The following ZBTB20 variants were observed in gnomAD, a reference collection of about 807,000 sequenced individuals.
ZBTB20 encodes the protein zinc finger and BTB domain-containing protein 20.
Under a neutral mutation model 56.9 loss-of-function variants are expected in ZBTB20, and 9 were observed. The observed-to-expected ratio is 0.16, with a 90% CI of 0.10 to 0.28. ZBTB20 has a LOEUF of 0.28. Among genes scored for constraint, ZBTB20 ranks in the 10% least tolerant of loss-of-function variants. The pLI is 1.00. For synonymous variants in ZBTB20, 417 were observed against 420.7 expected (o/e 0.99, Z 0.11); for missense variants, 655 against 1,003.0 (o/e 0.65, Z 4.69).
At chr3:115,140,516 T>C (rs551856537) in intron 1 of ZBTB20, among the ~76,000 whole-genome samples, 72 of 152,078 alleles carry the variant, frequency 4.7e-4, no homozygotes, top group African/African-American at 1.7e-3. Flanking sequence ...TGAGATTTAC[T>C]GAAAATGTGT....
chr3:114,907,325 G>C (rs560791602), intron 3 of ZBTB20, among the ~76,000 whole-genome samples: 2 of 151,936 alleles, frequency 1.3e-5, no homozygotes, highest in South Asian at 2.1e-4. Flanking sequence ...TTCATACTTA[G>C]TTGCTTTCAG....
intron 2 of ZBTB20, among the ~76,000 whole-genome samples, chr3:115,024,172 C>T (rs971824029): frequency 4.0e-5 from 6 of 151,000 alleles, no homozygotes; most frequent in Non-Finnish European, 8.9e-5. Context: ...TTAGACCCTC[C>T]CTTTTTCTTC....
intron 5 of ZBTB20, among the ~76,000 whole-genome samples, chr3:114,714,780 A>G (rs1365838239): frequency 1.3e-5 from 2 of 152,216 alleles, no homozygotes; most frequent in Non-Finnish European, 2.9e-5. Context: ...GCTGCAAAAT[A>G]ATGACATTTC....
intron 6 of ZBTB20, among the ~76,000 whole-genome samples, chr3:114,525,940 A>T (rs1046014369): frequency 2.0e-5 from 3 of 152,206 alleles, no homozygotes; most frequent in African/African-American, 7.2e-5. Flanking sequence ...CAATTCCCAC[A>T]GCTAAATCAT....
chr3:114,771,338 C>T (rs2069180841), intron 5 of ZBTB20, among the ~76,000 whole-genome samples: 2 of 152,146 alleles, frequency 1.3e-5, no homozygotes, highest in Non-Finnish European at 2.9e-5. Flanking sequence ...TTTGTGATTA[C>T]TTAATTAGAT....
chr3:114,751,820 G>A (rs183909888), intron 5 of ZBTB20, among the ~76,000 whole-genome samples: 7 of 152,146 alleles, frequency 4.6e-5, no homozygotes, highest in African/African-American at 7.2e-5. Context: ...GAGCTAAATC[G>A]TATTACAATT....
intron 6 of ZBTB20, among the ~76,000 whole-genome samples, chr3:114,528,303 TG>T (rs1348471115): frequency 6.6e-6 from 1 of 152,206 alleles, no homozygotes; most frequent in African/African-American, 2.4e-5. Flanking sequence ...ACTCACCTTT[TG>T]TTCCCTTTTT....
rs148664341 is a variant in ZBTB20 at position 114,474,813 on chromosome 3, T to C, written c.-255+25539A>G. 6.4e-3 allele frequency among the ~76,000 whole-genome samples: 973 copies of C among 152,292 alleles called. 10 individuals carry two copies. Among genetic ancestry groups the C allele is most frequent in the African/African-American group, 0.022 (920 of 41,564 alleles). On this transcript the variant is annotated intron_variant, in intron 7 of 11. Transcript: ENST00000675478. ...TCATAAATCAGTTTGCCATCTCTGT[T>C]CATTCCCTCTGCCCCTGCCCTAGTT... is the stretch of plus-strand genomic sequence containing the variant.
At chr3:115,014,546 T>C (rs1163432717) in intron 2 of ZBTB20, among the ~76,000 whole-genome samples, 1 of 151,534 alleles carries the variant, frequency 6.6e-6, no homozygotes, top group Non-Finnish European at 1.5e-5. Context: ...TAAATATATA[T>C]ACCTACTAAG....
At chr3:115,118,003 C>T (rs1486459284) in intron 1 of ZBTB20, among the ~76,000 whole-genome samples, 1 of 152,162 alleles carries the variant, frequency 6.6e-6, no homozygotes, top group Non-Finnish European at 1.5e-5. Context: ...ACATTCACTA[C>T]CTGTGACCTT....
intron 7 of ZBTB20, among the ~76,000 whole-genome samples, chr3:114,405,041 A>C (rs1193878087): frequency 6.6e-6 from 1 of 152,110 alleles, no homozygotes; most frequent in African/African-American, 2.4e-5. Flanking sequence ...AAGCACTCAG[A>C]GAATACCAGA....
At chr3:115,046,628 G>A (rs2081343603) in intron 2 of ZBTB20, among the ~76,000 whole-genome samples, 1 of 152,032 alleles carries the variant, frequency 6.6e-6, no homozygotes, top group South Asian at 2.1e-4. Context: ...AGTTTTTATA[G>A]GATTTACAAG....
At chr3:114,473,123 G>A (rs781333167) in intron 7 of ZBTB20, among the ~76,000 whole-genome samples, 2 of 152,162 alleles carry the variant, frequency 1.3e-5, no homozygotes, top group Non-Finnish European at 2.9e-5. Context: ...CTTCAACTGT[G>A]GCTATGCAGA....
chr3:114,398,612 C>T lies in ZBTB20; in HGVS notation c.-254-9507G>A, dbSNP rs182374503. Among the ~76,000 whole-genome samples, 1,198 of 151,838 alleles carry T rather than the reference C, an allele frequency of 7.9e-3. 78 individuals carry two copies. The highest frequency in any genetic ancestry group is 0.074 in the Admixed American group (1,128 of 15,256). ...ATTTGCATTAGTTAACACCAAATGG[C>T]GATAAGATTAAAATAATCTAGGAAC... On this transcript the variant is annotated intron_variant, in intron 7 of 11. Coordinates refer to ENST00000675478, the MANE Select transcript of ZBTB20 (RefSeq NM_001348800.3).
intron 7 of ZBTB20, chr3:114,453,723 T>C (rs945026998): frequency 2.0e-5 from 3 of 152,114 alleles, no homozygotes; most frequent in African/African-American, 7.2e-5. Flanking sequence ...GAGCAACATA[T>C]GCAACTTAAC....
At chr3:114,408,724 C>G (rs1409989958) in intron 7 of ZBTB20, among the ~76,000 whole-genome samples, 1 of 152,066 alleles carries the variant, frequency 6.6e-6, no homozygotes, top group Non-Finnish European at 1.5e-5. Context: ...ATTCCACCCC[C>G]ACCCCCAATT....
intron 2 of ZBTB20, among the ~76,000 whole-genome samples, chr3:115,034,894 C>A (rs1372279825): frequency 3.3e-5 from 5 of 151,752 alleles, no homozygotes; most frequent in Non-Finnish European, 1.5e-5. Context: ...AAAATAGAGT[C>A]CAGAAATAAA....
At chr3:114,782,627 C>T (rs1374195597) in intron 5 of ZBTB20, among the ~76,000 whole-genome samples, 1 of 151,780 alleles carries the variant, frequency 6.6e-6, no homozygotes, top group Non-Finnish European at 1.5e-5. Flanking sequence ...GCCTAATAAA[C>T]CATGGAAAAA....
intron 1 of ZBTB20, among the ~76,000 whole-genome samples, chr3:115,098,277 G>A (rs889758366): frequency 6.6e-6 from 1 of 152,118 alleles, no homozygotes; most frequent in Non-Finnish European, 1.5e-5. Context: ...AGACATAGAT[G>A]AAAGATTTCT....
Sources: allele counts gnomAD v4.1 joint callset (sites outside exome capture counted in the v4.1 genomes callset), GRCh38; gene constraint gnomAD v4.1.1; transcripts MANE v1.5; gene names NCBI Gene and HGNC (gene_info 2026-07-23, HGNC 2026-07-21).